The following PPP4R4 variants were observed in gnomAD, a reference collection of about 807,000 sequenced individuals.
The protein encoded by PPP4R4 is protein phosphatase 4 regulatory subunit 4, also known as serine/threonine-protein phosphatase 4 regulatory subunit 4.
A neutral mutation model predicts 121.8 loss-of-function variants in PPP4R4; 70 were observed. That is an observed-to-expected ratio of 0.57 (90% CI 0.47 to 0.70). The LOEUF (loss-of-function observed/expected upper bound fraction) is 0.70, where lower values mean the gene tolerates loss of function less well. Ranked by LOEUF, PPP4R4 falls within the 30% of genes least tolerant of loss-of-function variation. The pLI, the probability that PPP4R4 is intolerant of heterozygous loss-of-function variation, is 0.00. For missense variants in PPP4R4, 875 were observed against 1,033.6 expected, an observed-to-expected ratio of 0.85 and a Z score of 2.10; for synonymous variants, 348 against 355.7, an observed-to-expected ratio of 0.98 and a Z score of 0.24.
At chr14:94,233,860 A>T in intron 6 of PPP4R4, 101 bp downstream of exon 6, 1 of 773,760 alleles carries the variant, frequency 1.3e-6, no homozygotes, top group Non-Finnish European at 2.1e-6. Context: ...ACTGCATACA[A>T]ATTTAGTTAT....
chr14:94,266,692 A>T (rs369373704), intron 22 of PPP4R4, among the ~76,000 whole-genome samples: 1 of 152,108 alleles, frequency 6.6e-6, no homozygotes. Context: ...TTTCCAAGAA[A>T]ATTTTACCCA....
At chr14:94,175,974 C>A in intron 1 of PPP4R4, 80 bp from the exon 2 acceptor site, 1 of 1,076,540 alleles carries the variant, frequency 9.3e-7, no homozygotes, top group Non-Finnish European at 1.4e-6. Flanking sequence ...CGTTTATCCT[C>A]ATAGAGGGTC....
At chr14:94,189,189 C>T (rs1468910732) in intron 2 of PPP4R4, among the ~76,000 whole-genome samples, 2 of 152,138 alleles carry the variant, frequency 1.3e-5, no homozygotes, top group Non-Finnish European at 2.9e-5. Context: ...GTGGAGATGA[C>T]ATTTTGACCC....
Position 94,251,792 on chromosome 14 carries a change from G to A in PPP4R4, c.1761G>A (p.Leu587=). ...GTTACTGGAATAGACTTCGATTTTTGGATACCTGTGAATTTATTATAGAGA... is the reference window on the plus strand; with the variant it reads ...GTTACTGGAATAGACTTCGATTTTTAGATACCTGTGAATTTATTATAGAGA... ...GKSYWNRLRF[L]DTCEFIIEIF... The change falls in exon 16 of 25, where the codon TTG becomes TTA. Residue 587 remains leucine (L), a synonymous_variant. Coordinates refer to ENST00000304338, the MANE Select transcript of PPP4R4 (RefSeq NM_058237.2). The A allele has an allele frequency of 6.3e-6, 10 of 1,578,120 alleles. No homozygotes were observed. Among genetic ancestry groups the A allele is most frequent in the Non-Finnish European group, 8.6e-6 (10 of 1,164,414 alleles).
Position 94,275,421 on chromosome 14 carries a change from T to C in PPP4R4, c.2497T>C (p.Ser833Pro), listed in dbSNP as rs746297591. 1.7e-5 allele frequency: 28 copies of C among 1,613,896 alleles called. No individual in the cohort carries two copies. Among genetic ancestry groups the C allele is most frequent in the Admixed American group, 3.3e-5 (2 of 59,998 alleles). ...RNASSVPSSF[S>P]PNTPLPSTSR... The stretch of plus-strand genomic sequence containing the variant: ...TGCCAGTAGCGTTCCATCTTCCTTT[T>C]CTCCTAATACTCCCTTACCGAGTAC... The change falls in exon 24 of 25, where the codon TCT (serine) becomes CCT (proline). Residue 833 changes from serine to proline, a missense_variant. Physicochemically the swap from Ser to Pro is moderately conservative, Grantham distance 74 (BLOSUM62 -1). Coordinates refer to ENST00000304338, the MANE Select transcript of PPP4R4 (RefSeq NM_058237.2).
At chr14:94,216,551 G>A (rs1385130595) in intron 3 of PPP4R4, among the ~76,000 whole-genome samples, 1 of 152,230 alleles carries the variant, frequency 6.6e-6, no homozygotes, top group Non-Finnish European at 1.5e-5. Flanking sequence ...TGTTTGATCT[G>A]TGAGAAAGAC....
chr14:94,210,255 G>C (rs1340343800), intron 3 of PPP4R4, among the ~76,000 whole-genome samples: 2 of 150,142 alleles, frequency 1.3e-5, no homozygotes, highest in African/African-American at 4.9e-5. Context: ...TTTATACAAA[G>C]AATCAAAGTG....
intron 3 of PPP4R4, among the ~76,000 whole-genome samples, chr14:94,229,681 C>T (rs1891906585): frequency 7.5e-6 from 1 of 133,046 alleles, no homozygotes; most frequent in South Asian, 2.6e-4. Flanking sequence ...GATTAATATT[C>T]CTAAGATCAC....
rs751320305 is a variant in PPP4R4, at chr14:94,208,575, G to A, written c.294+9G>A. 1.3e-4 allele frequency: 199 copies of A among 1,587,936 alleles called. No individual in the cohort carries two copies. The highest frequency in any genetic ancestry group is 1.6e-4 in the Non-Finnish European group (184 of 1,158,440). On this transcript the variant is annotated intron_variant, in intron 3 of 24. Transcript: ENST00000304338. ...TGTTGCCAAAAGTCAGAGTAAGTTG[G>A]TATGAAATAAGATTGGAGTTTCCCA...
At chr14:94,250,867 C>T (rs981260445) in intron 15 of PPP4R4, among the ~76,000 whole-genome samples, 1 of 151,928 alleles carries the variant, frequency 6.6e-6, no homozygotes, top group African/African-American at 2.4e-5. Flanking sequence ...TGTATATTTG[C>T]TTTGCCCATA....
At chr14:94,263,040 AT>A (rs544880744) in intron 19 of PPP4R4, among the ~76,000 whole-genome samples, 5 of 151,610 alleles carry the variant, frequency 3.3e-5, no homozygotes, top group African/African-American at 1.2e-4. Flanking sequence ...CACTTTAAAT[AT>A]TTTTTTCCTT....
chr14:94,229,938 A>AAACAT (rs1891922648), intron 3 of PPP4R4, among the ~76,000 whole-genome samples: 1 of 152,194 alleles, frequency 6.6e-6, no homozygotes. Flanking sequence ...GGTGTGTTGA[A>AAACAT]AACATACTAT....
chr14:94,265,390 G>C lies in PPP4R4; in HGVS notation c.2201G>C (p.Arg734Thr). 1 of 1,606,240 alleles carries C rather than the reference G, an allele frequency of 6.2e-7. No individual in the cohort carries two copies. Among genetic ancestry groups the C allele is most frequent in the Non-Finnish European group, 8.5e-7 (1 of 1,172,996 alleles). ...MSDKMFEKKR[R>T]DTKTPTQSLP... is the part of the protein sequence containing the mutation. ...CTTAAAGCAGAATTTATTTTAGGTAGAGACACTAAGACACCAACGCAAAGT... is the reference window on the plus strand; with the variant it reads ...CTTAAAGCAGAATTTATTTTAGGTACAGACACTAAGACACCAACGCAAAGT... The change falls in exon 21 of 25, where the codon AGA (arginine) becomes ACA (threonine). Residue 734 changes from arginine (R) to threonine (T), a missense_variant. By Grantham distance (71) the Arg-to-Thr change is moderately conservative (BLOSUM62 -1). Coordinates refer to ENST00000304338, the MANE Select transcript of PPP4R4 (RefSeq NM_058237.2).
At chr14:94,192,402 A>G (rs770028022) in intron 2 of PPP4R4, among the ~76,000 whole-genome samples, 1 of 152,148 alleles carries the variant, frequency 6.6e-6, no homozygotes, top group Non-Finnish European at 1.5e-5. Flanking sequence ...TGGAAGGTTA[A>G]TTCTCTAAGG....
chr14:94,278,948 GAC>G lies in PPP4R4; in HGVS notation c.*307_*308del. 1 of 193,732 alleles carries G rather than the reference GAC, an allele frequency of 5.2e-6. No homozygotes were observed. Among genetic ancestry groups the G allele is most frequent in the Non-Finnish European group, 1.0e-5 (1 of 95,440 alleles). The allele number at this position is 193,732 out of a possible 1,614,324, so 12.0% of individuals were successfully genotyped here. On this transcript the variant is annotated 3_prime_UTR_variant, in exon 25 of 25. Coordinates refer to ENST00000304338, the MANE Select transcript of PPP4R4 (RefSeq NM_058237.2). ...GTGCTTTAACCACTGCTGCAAAAGA[GAC>G]AAGTCTGCATTTATTTGTGCAGGAA...
At chr14:94,217,749 C>T in intron 3 of PPP4R4, among the ~76,000 whole-genome samples, 1 of 152,054 alleles carries the variant, frequency 6.6e-6, no homozygotes, top group Non-Finnish European at 1.5e-5. Flanking sequence ...AATCCCAGCA[C>T]TTTGGGAGGC....
chr14:94,257,286 ATTGT>A (rs1015342777), intron 17 of PPP4R4, among the ~76,000 whole-genome samples: 7 of 152,124 alleles, frequency 4.6e-5, no homozygotes, highest in Admixed American at 1.3e-4. Context: ...CTCTTCAAAA[ATTGT>A]TTATGCTGAA....
intron 3 of PPP4R4, among the ~76,000 whole-genome samples, chr14:94,209,810 A>G (rs373536092): frequency 2.0e-5 from 3 of 152,286 alleles, no homozygotes. Context: ...TTAGATTTAT[A>G]GCTAAGAATA....
chr14:94,210,241 C>T (rs1890672515), intron 3 of PPP4R4, among the ~76,000 whole-genome samples: 1 of 150,190 alleles, frequency 6.7e-6, no homozygotes, highest in South Asian at 2.1e-4. Flanking sequence ...TCAAATGTAT[C>T]ATATTTATAC....
Sources: allele counts gnomAD v4.1 joint callset (sites outside exome capture counted in the v4.1 genomes callset), GRCh38; gene constraint gnomAD v4.1.1; transcripts MANE v1.5; gene names NCBI Gene and HGNC (gene_info 2026-07-23, HGNC 2026-07-21).